The following EPHB2 variants were observed in gnomAD, a reference collection of about 807,000 sequenced individuals.
EPHB2 encodes EPH receptor B2.
In EPHB2, 18 loss-of-function variants were observed where a neutral mutation model predicts 96.4. The ratio of observed to expected loss-of-function variants is 0.19; its 90% CI spans 0.13 to 0.28. The LOEUF is 0.28. Ranked by LOEUF, EPHB2 falls within the 10% of genes least tolerant of loss-of-function variation. The probability of loss-of-function intolerance (pLI) is 1.00; values close to 1 mark genes in which losing one functional copy is unlikely to be tolerated. For missense variants in EPHB2, 989 were observed against 1,355.4 expected, an observed-to-expected ratio of 0.73 and a Z score of 4.25; for synonymous variants, 506 against 534.1, an observed-to-expected ratio of 0.95 and a Z score of 0.72.
intron 3 of EPHB2, among the ~76,000 whole-genome samples, chr1:22,852,157 C>T (rs898387775): frequency 2.0e-5 from 3 of 152,220 alleles, no homozygotes; most frequent in Admixed American, 6.5e-5. Context: ...GTGCCTAGCA[C>T]GTGGTAGCCA....
chr1:22,736,641 G>A (rs902507879), intron 1 of EPHB2, among the ~76,000 whole-genome samples: 1 of 152,218 alleles, frequency 6.6e-6, no homozygotes, highest in Admixed American at 6.5e-5. Flanking sequence ...TTGAGGGTGG[G>A]GGCAGCCTCC....
intron 1 of EPHB2, among the ~76,000 whole-genome samples, chr1:22,737,286 C>G (rs1463325198): frequency 6.6e-6 from 1 of 152,166 alleles, no homozygotes; most frequent in Non-Finnish European, 1.5e-5. Context: ...TTCTAAACTG[C>G]AGCTGAGACC....
intron 1 of EPHB2, among the ~76,000 whole-genome samples, chr1:22,741,603 C>G (rs190317301): frequency 2.1e-5 from 3 of 144,442 alleles, no homozygotes; most frequent in Non-Finnish European, 3.0e-5. Context: ...TCCTCCTGTT[C>G]GGAGGTTTGG....
intron 1 of EPHB2, among the ~76,000 whole-genome samples, chr1:22,740,204 G>A (rs1478919197): frequency 2.0e-5 from 3 of 152,184 alleles, no homozygotes; most frequent in Non-Finnish European, 4.4e-5. Flanking sequence ...TCCCCATCAC[G>A]TGGCATCACT....
At chr1:22,908,809 G>T (rs1038920862) in intron 12 of EPHB2, among the ~76,000 whole-genome samples, 18 of 152,160 alleles carry the variant, frequency 1.2e-4, no homozygotes, top group African/African-American at 4.3e-4. Context: ...GGGACTTGAG[G>T]ATGAGAAGGA....
In EPHB2 at chr1:22,863,259, G is replaced by T. The variant is rs755653550; in HGVS notation, c.967+67G>T. On this transcript the variant is annotated intron_variant, in intron 4 of 15. Transcript: ENST00000374630. Reference sequence around the variant, plus strand: ...CCAGGTCTACCTGCAGAAAAGCTCAGAGTGAGGATTGGGTGCCGTCCGGTT... The same window carrying T: ...CCAGGTCTACCTGCAGAAAAGCTCATAGTGAGGATTGGGTGCCGTCCGGTT... 29 of 1,610,504 alleles carry T rather than the reference G, an allele frequency of 1.8e-5. No homozygotes were observed. In the South Asian group the frequency reaches 3.2e-4, roughly 18 times the overall value.
intron 2 of EPHB2, among the ~76,000 whole-genome samples, chr1:22,783,723 T>C (rs1228400965): frequency 6.6e-6 from 1 of 152,124 alleles, no homozygotes; most frequent in Non-Finnish European, 1.5e-5. Flanking sequence ...TTAGCATCTC[T>C]CTGCTGGGTT....
chr1:22,785,751 T>G (rs888131181), intron 3 of EPHB2, among the ~76,000 whole-genome samples: 3 of 152,250 alleles, frequency 2.0e-5, no homozygotes, highest in African/African-American at 7.2e-5. Flanking sequence ...ACAAGGTTAC[T>G]TCCTATTCAA....
At chr1:22,890,383 C>T (rs1639352366) in intron 6 of EPHB2, among the ~76,000 whole-genome samples, 1 of 152,222 alleles carries the variant, frequency 6.6e-6, no homozygotes, top group South Asian at 2.1e-4. Flanking sequence ...CTGCTGCTGC[C>T]CCACCCAGCT....
At chr1:22,779,011 G>A (rs1040868413) in intron 1 of EPHB2, among the ~76,000 whole-genome samples, 3 of 152,148 alleles carry the variant, frequency 2.0e-5, no homozygotes, top group Non-Finnish European at 4.4e-5. Flanking sequence ...TCCCCTGCCC[G>A]ACCCTCTTCT....
intron 14 of EPHB2, 123 bp from the exon 15 acceptor site, chr1:22,912,320 AC>A (rs1640129918): frequency 7.2e-7 from 1 of 1,384,332 alleles, no homozygotes; most frequent in South Asian, 1.2e-5. Context: ...ATACCCCTTC[AC>A]CTGTGTTCAC....
chr1:22,785,225 G>A (rs1179226854), intron 3 of EPHB2, 149 bp downstream of exon 3: 16 of 1,008,054 alleles, frequency 1.6e-5, no homozygotes, highest in Admixed American at 1.1e-4. Context: ...AGCAACCATC[G>A]TTCAGCTTCT....
At chr1:22,897,980 G>A (rs1444490637) in intron 9 of EPHB2, among the ~76,000 whole-genome samples, 1 of 151,734 alleles carries the variant, frequency 6.6e-6, no homozygotes, top group African/African-American at 2.4e-5. Flanking sequence ...ATGTACGTCT[G>A]TAGTTCCAGC....
rs528771636 is a variant in EPHB2, at chr1:22,733,537, C to T, written c.61+22494C>T. Among the ~76,000 whole-genome samples, 6 of 152,294 alleles carry T rather than the reference C, an allele frequency of 3.9e-5. No individual in the cohort carries two copies. The highest frequency in any genetic ancestry group is 2.1e-4 in the South Asian group (1 of 4,822). ...ATTGATTTTACGGAGTAGTTTTGCA[C>T]GGTGGAAATCAGCATATACCATGGC... On this transcript the variant is annotated intron_variant, in intron 1 of 15. Transcript: ENST00000374630. The surrounding 1 kb of genome is among the most constrained non-coding windows in gnomAD (Gnocchi z 4.6).
intron 3 of EPHB2, among the ~76,000 whole-genome samples, chr1:22,845,830 G>T (rs1645533091): frequency 6.6e-6 from 1 of 152,142 alleles, no homozygotes; most frequent in Non-Finnish European, 1.5e-5. Context: ...AAAGGTGATT[G>T]CTCTAAATGG....
chr1:22,874,676 C>T (rs1197050392), intron 5 of EPHB2, among the ~76,000 whole-genome samples: 1 of 152,142 alleles, frequency 6.6e-6, no homozygotes, highest in African/African-American at 2.4e-5. Flanking sequence ...GACGAAGGGG[C>T]CTGGCACTGG....
chr1:22,733,753 A>G lies in EPHB2; in HGVS notation c.61+22710A>G, dbSNP rs986973989. On this transcript the variant is annotated intron_variant, in intron 1 of 15. Coordinates refer to ENST00000374630, the MANE Select transcript of EPHB2 (RefSeq NM_017449.5). This position sits in a 1 kb window ranked among gnomAD's most constrained non-coding sequence, Gnocchi z 4.6. ...CCAAAGCCCATGCTCATGACACGCT[A>G]CTACATCAGGCTGGTATGATTTGGT... Among the ~76,000 whole-genome samples, 5 of 152,236 alleles carry G rather than the reference A, an allele frequency of 3.3e-5. No individual in the cohort carries two copies. Among genetic ancestry groups the G allele is most frequent in the Admixed American group, 6.5e-5 (1 of 15,284 alleles).
intron 6 of EPHB2, among the ~76,000 whole-genome samples, chr1:22,885,411 C>T (rs1639192544): frequency 6.6e-6 from 1 of 152,236 alleles, no homozygotes; most frequent in Non-Finnish European, 1.5e-5. Flanking sequence ...CTACTTTCCG[C>T]CGCTGCCCGA....
intron 5 of EPHB2, 99 bp downstream of exon 5, chr1:22,865,311 A>G: frequency 7.1e-7 from 1 of 1,401,090 alleles, no homozygotes; most frequent in Non-Finnish European, 1.0e-6. Flanking sequence ...CTATGGAGTG[A>G]TTTCTTCTTT....
Sources: allele counts gnomAD v4.1 joint callset (sites outside exome capture counted in the v4.1 genomes callset), GRCh38; gene constraint gnomAD v4.1.1; non-coding constraint Gnocchi (gnomAD v3.1); transcripts MANE v1.5; gene names NCBI Gene and HGNC (gene_info 2026-07-23, HGNC 2026-07-21).